The following MCC variants were observed in gnomAD, a reference collection of about 807,000 sequenced individuals.
MCC encodes colorectal mutant cancer protein.
MCC carries 90 observed loss-of-function variants against 116.2 expected under a neutral mutation model. The observed-to-expected ratio is 0.77, with a 90% CI of 0.65 to 0.92. The LOEUF is 0.92. Ranked by LOEUF, MCC falls within the 40% of genes least tolerant of loss-of-function variation. The probability of loss-of-function intolerance (pLI) is 0.00; values close to 1 mark genes in which losing one functional copy is unlikely to be tolerated. For synonymous variants in MCC, 578 were observed against 510.5 expected, an observed-to-expected ratio of 1.13 and a Z score of -1.78; for missense variants, 1,516 against 1,312.2, an observed-to-expected ratio of 1.16 and a Z score of -2.40.
chr5:113,371,795 A>T (rs879804689), intron 2 of MCC, among the ~76,000 whole-genome samples: 85 of 152,336 alleles, frequency 5.6e-4, no homozygotes, highest in Admixed American at 2.6e-3. Flanking sequence ...CTTACAAGAG[A>T]TAAAACAGGA....
intron 3 of MCC, among the ~76,000 whole-genome samples, chr5:113,163,461 A>C (rs1375839210): frequency 6.6e-6 from 1 of 151,932 alleles, no homozygotes; most frequent in Non-Finnish European, 1.5e-5. Context: ...TGTCCCCCAC[A>C]GATCACCTAT....
intron 3 of MCC, among the ~76,000 whole-genome samples, chr5:113,247,740 C>T (rs1252519548): frequency 1.3e-5 from 2 of 151,978 alleles, no homozygotes; most frequent in South Asian, 2.1e-4. Flanking sequence ...GGGATTTGGC[C>T]ATCTACTGGA....
chr5:113,279,385 T>C (rs1398040118), intron 3 of MCC, among the ~76,000 whole-genome samples: 2 of 152,104 alleles, frequency 1.3e-5, no homozygotes, highest in African/African-American at 2.4e-5. Flanking sequence ...CCAGACCTCA[T>C]TGGAATACCT....
intron 8 of MCC, 54 bp from the exon 9 acceptor site, chr5:113,085,364 A>T (rs902551320): frequency 6.5e-7 from 1 of 1,539,726 alleles, no homozygotes. Context: ...CTAAAGAGCA[A>T]AACAGCCAGA....
intron 4 of MCC, 97 bp from the exon 5 acceptor site, chr5:113,143,457 A>G: frequency 1.6e-6 from 2 of 1,281,230 alleles, no homozygotes; most frequent in African/African-American, 1.5e-5. Context: ...ACAACTGCCA[A>G]CACTGAGTAT....
Position 113,027,779 on chromosome 5 carries a change from CA to C in MCC, c.2880-298del, listed in dbSNP as rs1488856226. Among the ~76,000 whole-genome samples, 4 of 152,268 alleles carry C rather than the reference CA, an allele frequency of 2.6e-5. No homozygotes were observed. The East Asian group carries it at 7.7e-4, about 29-fold the overall frequency. On this transcript the variant is annotated intron_variant, in intron 18 of 18. Coordinates refer to ENST00000408903, the MANE Select transcript of MCC (RefSeq NM_001085377.2). ...GTCAAACCAGCAATCCAAATTGGCCCAGTCCAAAACGGATAAATACAAATAG... is the reference window on the plus strand; with the variant it reads ...GTCAAACCAGCAATCCAAATTGGCCCGTCCAAAACGGATAAATACAAATAG...
intron 5 of MCC, among the ~76,000 whole-genome samples, chr5:113,137,953 A>G (rs1758937097): frequency 2.9e-5 from 1 of 34,988 alleles, no homozygotes; most frequent in Non-Finnish European, 1.1e-4. Context: ...TCTTGGCTAC[A>G]TTACCCTGTA....
chr5:113,075,741 C>A (rs985229088), intron 11 of MCC, among the ~76,000 whole-genome samples: 2 of 152,196 alleles, frequency 1.3e-5, no homozygotes, highest in Non-Finnish European at 2.9e-5. Flanking sequence ...AGCAGCAACC[C>A]GCTCGGGTGC....
At chr5:113,187,669 G>A (rs1207182042) in intron 3 of MCC, among the ~76,000 whole-genome samples, 1 of 151,374 alleles carries the variant, frequency 6.6e-6, no homozygotes, top group African/African-American at 2.4e-5. Flanking sequence ...GCGAGAGAAT[G>A]GCGTGAACCC....
At chr5:113,078,348 A>C (rs1754606568) in intron 11 of MCC, among the ~76,000 whole-genome samples, 1 of 152,228 alleles carries the variant, frequency 6.6e-6, no homozygotes, top group Admixed American at 6.5e-5. Context: ...CAGAGACACA[A>C]CAACAAAAAA....
At chr5:113,224,586 G>A (rs553618564) in intron 3 of MCC, among the ~76,000 whole-genome samples, 3 of 152,246 alleles carry the variant, frequency 2.0e-5, no homozygotes, top group African/African-American at 4.8e-5. Context: ...AGACTTTAAA[G>A]GCTCCCAGAC....
intron 3 of MCC, among the ~76,000 whole-genome samples, chr5:113,283,383 A>C (rs1766126549): frequency 6.6e-6 from 1 of 152,244 alleles, no homozygotes; most frequent in Non-Finnish European, 1.5e-5. Flanking sequence ...ATATTTTTCC[A>C]AAGAAAATGT....
At chr5:113,480,720 A>G (rs1772357163) in intron 1 of MCC, among the ~76,000 whole-genome samples, 1 of 152,232 alleles carries the variant, frequency 6.6e-6, no homozygotes, top group South Asian at 2.1e-4. Context: ...TGTGAAACAC[A>G]ACATCAGTAC....
In MCC at chr5:113,220,063, C is replaced by CTTTTTCT. The variant is rs1403257067; in HGVS notation, c.628-68642_628-68641insAGAAAAA. ...GGAATCTGCATGTCAATTTCTTTTTCTTTTTTTTTTTTGAGACGGAGTCTT... is the reference window on the plus strand; with the variant it reads ...GGAATCTGCATGTCAATTTCTTTTTCTTTTTCTTTTTTTTTTTTTGAGACGGAGTCTT... On this transcript the variant is annotated intron_variant, in intron 3 of 18. Transcript: ENST00000408903. Among the ~76,000 whole-genome samples, 678 of 73,792 alleles carry CTTTTTCT rather than the reference C, an allele frequency of 9.2e-3. 13 individuals carry two copies. The highest frequency in any genetic ancestry group is 0.019 in the African/African-American group (658 of 33,804). The allele number at this position is 73,792 out of a possible 152,430, so 48.4% of individuals were successfully genotyped here.
chr5:113,288,465 C>T (rs1766347956), intron 3 of MCC, among the ~76,000 whole-genome samples: 1 of 152,198 alleles, frequency 6.6e-6, no homozygotes, highest in Admixed American at 6.5e-5. Flanking sequence ...TCCCAACCCC[C>T]ACTGAATGAG....
At chr5:113,327,883 G>A (rs1275170263) in intron 3 of MCC, among the ~76,000 whole-genome samples, 1 of 151,640 alleles carries the variant, frequency 6.6e-6, no homozygotes, top group Non-Finnish European at 1.5e-5. Context: ...AAAATATGAG[G>A]AATATTTAGG....
intron 17 of MCC, among the ~76,000 whole-genome samples, chr5:113,039,816 G>A (rs918836131): frequency 6.7e-6 from 1 of 150,318 alleles, no homozygotes; most frequent in Admixed American, 6.7e-5. Flanking sequence ...TCTCAGCTGT[G>A]CTTGGGTCCC....
intron 12 of MCC, among the ~76,000 whole-genome samples, chr5:113,069,620 G>C (rs1753888229): frequency 6.6e-6 from 1 of 152,176 alleles, no homozygotes; most frequent in African/African-American, 2.4e-5. Flanking sequence ...CCAGGCTGGA[G>C]TGCAGTGGCA....
intron 3 of MCC, among the ~76,000 whole-genome samples, chr5:113,316,133 G>A (rs1476985369): frequency 1.3e-5 from 2 of 151,882 alleles, no homozygotes; most frequent in Non-Finnish European, 2.9e-5. Flanking sequence ...GCACACGCCT[G>A]TAATCCCAGC....
Sources: allele counts gnomAD v4.1 joint callset (sites outside exome capture counted in the v4.1 genomes callset), GRCh38; gene constraint gnomAD v4.1.1; transcripts MANE v1.5; gene names NCBI Gene and HGNC (gene_info 2026-07-23, HGNC 2026-07-21).